The following DPP6 variants were observed in gnomAD, a reference collection of about 807,000 sequenced individuals.
DPP6 encodes dipeptidyl peptidase like 6.
Under a neutral mutation model 122.6 loss-of-function variants are expected in DPP6, and 69 were observed. That is an observed-to-expected ratio of 0.56 (90% CI 0.46 to 0.69). The LOEUF (loss-of-function observed/expected upper bound fraction) is 0.69, where lower values mean the gene tolerates loss of function less well. Ranked by LOEUF, DPP6 falls within the 30% of genes least tolerant of loss-of-function variation. DPP6 has a pLI of 0.00. For synonymous variants in DPP6, 418 were observed against 433.1 expected (o/e 0.97, Z 0.43); for missense variants, 928 against 1,116.9 (o/e 0.83, Z 2.41).
Position 154,876,019 on chromosome 7 carries a change from G to A in DPP6, c.1997G>A (p.Gly666Asp). The A allele has an allele frequency of 2.5e-6, 4 of 1,613,148 alleles. No individual in the cohort carries two copies. The highest frequency in any genetic ancestry group is 1.7e-5 in the Admixed American group (1 of 59,986). The change falls in exon 20 of 26, where the codon GGC (glycine) becomes GAC (aspartate). Residue 666 changes from glycine (G) to aspartate (D), a missense_variant. By Grantham distance (94) the Gly-to-Asp change is moderately conservative. Transcript: ENST00000377770. Reference protein sequence around the residue: ...VVVKCDGRGSGFQGTKLLHEV... With the variant: ...VVVKCDGRGSDFQGTKLLHEV... ...GTAAAGTGTGACGGCCGTGGCAGCGGCTTCCAAGGGACCAAGCTCCTGCAC... is the reference window on the plus strand; with the variant it reads ...GTAAAGTGTGACGGCCGTGGCAGCGACTTCCAAGGGACCAAGCTCCTGCAC...
At chr7:154,307,547 A>G (rs891187440) in intron 1 of DPP6, among the ~76,000 whole-genome samples, 6 of 151,768 alleles carry the variant, frequency 4.0e-5, no homozygotes, top group African/African-American at 1.2e-4. Flanking sequence ...GCCAGATGGG[A>G]CAGGGGGTGA....
At chr7:154,501,727 G>C (rs1263540250) in intron 3 of DPP6, among the ~76,000 whole-genome samples, 1 of 152,250 alleles carries the variant, frequency 6.6e-6, no homozygotes, top group East Asian at 1.9e-4. Context: ...ACCTCTGCTA[G>C]GGCAGTGTGG....
rs1004715678 is a variant in DPP6 at position 154,403,503 on chromosome 7, C to T, written c.244-42711C>T. Among the ~76,000 whole-genome samples the T allele has an allele frequency of 2.0e-5, 3 of 152,204 alleles. No individual in the cohort carries two copies. The highest frequency in any genetic ancestry group is 7.2e-5 in the African/African-American group (3 of 41,456). ...CTGGGGGGCGCTAATGCAGCTTTCT[C>T]TCCTGGAGCCTCTCATCTCCACCTG... On this transcript the variant is annotated intron_variant, in intron 1 of 25. Transcript: ENST00000377770. This position sits in a 1 kb window ranked among gnomAD's most constrained non-coding sequence, Gnocchi z 4.1.
chr7:154,155,709 A>G (rs1403851265), intron 1 of DPP6, among the ~76,000 whole-genome samples: 2 of 152,150 alleles, frequency 1.3e-5, no homozygotes, highest in African/African-American at 4.8e-5. Context: ...TATGCCAGGA[A>G]CCTATAAGTT....
At chr7:154,386,768 A>G (rs1814148621) in intron 1 of DPP6, among the ~76,000 whole-genome samples, 1 of 152,216 alleles carries the variant, frequency 6.6e-6, no homozygotes, top group South Asian at 2.1e-4. Flanking sequence ...AAGTAGCGTT[A>G]GCTGGAGACA....
chr7:153,782,102 C>T, the DPP6 span, among the ~76,000 whole-genome samples: 3 of 151,626 alleles, frequency 2.0e-5, no homozygotes, highest in Admixed American at 2.0e-4. Context: ...TCTGTGCACT[C>T]ATTTATGGGC....
intron 7 of DPP6, among the ~76,000 whole-genome samples, chr7:154,680,617 T>G (rs7798160): frequency 0.16 from 24,503 of 152,082 alleles, 2,118 homozygotes; most frequent in East Asian, 0.34. Context: ...AAATAATTAT[T>G]TGGACTGGCC....
intron 1 of DPP6, among the ~76,000 whole-genome samples, chr7:153,951,491 C>G (rs1802209678): frequency 6.6e-6 from 1 of 152,182 alleles, no homozygotes; most frequent in African/African-American, 2.4e-5. Context: ...CCGAATGTGT[C>G]ACCCTCCTCA....
intron 16 of DPP6, among the ~76,000 whole-genome samples, chr7:154,825,750 C>A (rs1800099044): frequency 6.6e-6 from 1 of 152,198 alleles, no homozygotes; most frequent in African/African-American, 2.4e-5. Context: ...CTGGTTAATT[C>A]AGTAGCTGGT....
chr7:154,380,682 A>AT (rs1425458510), intron 1 of DPP6, among the ~76,000 whole-genome samples: 2 of 152,100 alleles, frequency 1.3e-5, no homozygotes, highest in Non-Finnish European at 2.9e-5. Flanking sequence ...TTCTTCACAC[A>AT]TTCCCCTGGT....
chr7:154,816,213 T>G (rs181896872), intron 16 of DPP6, among the ~76,000 whole-genome samples: 1 of 152,302 alleles, frequency 6.6e-6, no homozygotes, highest in Admixed American at 6.5e-5. Context: ...AGTTCTAGTT[T>G]TTGAGGTTTC....
chr7:153,791,424 C>CTTTTTTTTTTTTTTTTTTTTT, the DPP6 span, among the ~76,000 whole-genome samples: 7 of 91,630 alleles, frequency 7.6e-5, no homozygotes, highest in African/African-American at 8.5e-5. Flanking sequence ...TCCTTCCTTT[C>CTTTTTTTTTTTTTTTTTTTTT]TTTTTTTTTT....
At chr7:154,686,925 GT>G (rs1839647152) in intron 7 of DPP6, among the ~76,000 whole-genome samples, 1 of 152,128 alleles carries the variant, frequency 6.6e-6, no homozygotes, top group Admixed American at 6.5e-5. Flanking sequence ...CGGACTCCAG[GT>G]CCACCGGGTT....
intron 1 of DPP6, among the ~76,000 whole-genome samples, chr7:154,289,754 A>G (rs985978295): frequency 6.7e-6 from 1 of 149,946 alleles, no homozygotes; most frequent in Non-Finnish European, 1.5e-5. Context: ...TACACATTGA[A>G]TTTTGATGTA....
chr7:154,255,579 G>GCATCT (rs142517335), intron 1 of DPP6, among the ~76,000 whole-genome samples: 6,837 of 152,228 alleles, frequency 0.045, 432 homozygotes, highest in African/African-American at 0.13. Flanking sequence ...GGAGGCCCAG[G>GCATCT]CGTCTCATCT....
At chr7:154,394,128 T>C (rs1410845922) in intron 1 of DPP6, among the ~76,000 whole-genome samples, 1 of 152,178 alleles carries the variant, frequency 6.6e-6, no homozygotes, top group African/African-American at 2.4e-5. Flanking sequence ...CTGGATCATA[T>C]GGTTATTTCA....
At chr7:154,259,811 C>T (rs754577120) in intron 1 of DPP6, among the ~76,000 whole-genome samples, 5 of 152,178 alleles carry the variant, frequency 3.3e-5, no homozygotes, top group Non-Finnish European at 7.3e-5. Flanking sequence ...ATGCCAAACG[C>T]GTTCACAACT....
At chr7:154,365,470 C>A (rs1312583100) in intron 1 of DPP6, among the ~76,000 whole-genome samples, 1 of 152,112 alleles carries the variant, frequency 6.6e-6, no homozygotes, top group Non-Finnish European at 1.5e-5. Context: ...AGAGATGAGC[C>A]CCCCTTCTTC....
chr7:154,711,943 C>CACACACACACACA (rs1554443030), intron 7 of DPP6, among the ~76,000 whole-genome samples: 3 of 48,674 alleles, frequency 6.2e-5, no homozygotes, highest in Admixed American at 4.8e-4. Flanking sequence ...ACTTAATACA[C>CACACACACACACA]ACACACACAC....
Sources: gnomAD v4.1 joint callset for allele counts (sites outside exome capture counted in the v4.1 genomes callset) on GRCh38, gnomAD v4.1.1 for gene constraint, Gnocchi (gnomAD v3.1) non-coding constraint, MANE v1.5 for transcripts, NCBI Gene and HGNC (gene_info 2026-07-23, HGNC 2026-07-21) for gene names.